Variants in TRMT11 observed in about 807,000 individuals in gnomAD.
TRMT11 encodes tRNA methyltransferase 11, also known as tRNA (guanine(10)-N(2))-methyltransferase TRMT11.
TRMT11 carries 53 observed loss-of-function variants against 62.8 expected under a neutral mutation model. That is an observed-to-expected ratio of 0.84 (90% CI 0.68 to 1.06). The LOEUF is 1.06. Ranked by LOEUF, TRMT11 falls within the 50% of genes least tolerant of loss-of-function variation. The pLI is 0.00. For missense variants in TRMT11, 556 were observed against 553.4 expected (o/e 1.00, Z -0.05); for synonymous variants, 188 against 190.3 (o/e 0.99, Z 0.10).
intron 7 of TRMT11, among the ~76,000 whole-genome samples, chr6:126,005,781 A>G (rs1293243951): frequency 6.6e-6 from 1 of 152,016 alleles, no homozygotes; most frequent in Non-Finnish European, 1.5e-5. Context: ...AATATGTGCA[A>G]GTGGATGCCA....
At chr6:126,087,112 G>A (rs994448258) in intron 17 of TRMT11, among the ~76,000 whole-genome samples, 4 of 152,140 alleles carry the variant, frequency 2.6e-5, no homozygotes, top group East Asian at 1.9e-4. Context: ...GTTCACAAAC[G>A]TGGTCAAATT....
chr6:126,140,946 A>G (rs1777910380), intron 21 of TRMT11, among the ~76,000 whole-genome samples: 1 of 152,082 alleles, frequency 6.6e-6, no homozygotes, highest in Non-Finnish European at 1.5e-5. Context: ...CTTAAACTCC[A>G]TGTTTCCTCA....
intron 1 of TRMT11, among the ~76,000 whole-genome samples, chr6:126,188,568 C>A (rs1190111802): frequency 6.6e-6 from 1 of 152,044 alleles, no homozygotes; most frequent in Non-Finnish European, 1.5e-5. Flanking sequence ...AAATTCTATT[C>A]AAAGTGATTT....
chr6:126,253,109 A>C, the TRMT11 span, among the ~76,000 whole-genome samples: 1 of 152,116 alleles, frequency 6.6e-6, no homozygotes, highest in African/African-American at 2.4e-5. Flanking sequence ...TGAAAAAAAA[A>C]AACAAGTTAT....
At chr6:126,048,210 G>A (rs560417526) in intron 16 of TRMT11, among the ~76,000 whole-genome samples, 1 of 152,318 alleles carries the variant, frequency 6.6e-6, no homozygotes, top group South Asian at 2.1e-4. Context: ...GATTGGCTAA[G>A]CTGAAAACCA....
chr6:126,059,507 T>A (rs1445474442), intron 17 of TRMT11, among the ~76,000 whole-genome samples: 1 of 152,200 alleles, frequency 6.6e-6, no homozygotes, highest in African/African-American at 2.4e-5. Flanking sequence ...AGTGAGAGAT[T>A]CACTTAGCTG....
chr6:126,193,638 G>T (rs1778631235), intron 1 of TRMT11, among the ~76,000 whole-genome samples: 1 of 151,270 alleles, frequency 6.6e-6, no homozygotes, highest in Non-Finnish European at 1.5e-5. Context: ...GACCACAGGA[G>T]CCCGCCACCA....
At chr6:126,231,250 T>C in the TRMT11 span, among the ~76,000 whole-genome samples, 325 of 152,300 alleles carry the variant, frequency 2.1e-3, no homozygotes, top group African/African-American at 7.4e-3. Context: ...CAAAACAAAA[T>C]GTCAGAATAC....
chr6:126,016,782 G>A (rs1432451277), intron 11 of TRMT11, among the ~76,000 whole-genome samples: 1 of 151,386 alleles, frequency 6.6e-6, no homozygotes, highest in Non-Finnish European at 1.5e-5. Context: ...GGAAGACAAT[G>A]GTGGCATTTA....
At chr6:126,004,675 G>GT (rs924438094) in intron 7 of TRMT11, among the ~76,000 whole-genome samples, 7 of 151,748 alleles carry the variant, frequency 4.6e-5, no homozygotes, top group Non-Finnish European at 8.8e-5. Flanking sequence ...CTTTTAAATA[G>GT]TTTTTTAAAA....
At chr6:126,030,149 T>C (rs546778395) in intron 12 of TRMT11, among the ~76,000 whole-genome samples, 3 of 152,322 alleles carry the variant, frequency 2.0e-5, no homozygotes, top group Non-Finnish European at 2.9e-5. Context: ...TAGTATTGGA[T>C]GCCAGACTTT....
At chr6:126,184,946 C>A (rs972052594) in intron 1 of TRMT11, among the ~76,000 whole-genome samples, 3 of 152,134 alleles carry the variant, frequency 2.0e-5, no homozygotes, top group African/African-American at 7.2e-5. Context: ...GAGTGACAGA[C>A]CTGGTTTTGT....
the TRMT11 span, among the ~76,000 whole-genome samples, chr6:126,264,224 A>G: frequency 7.9e-5 from 12 of 152,204 alleles, no homozygotes; most frequent in African/African-American, 2.9e-4. Flanking sequence ...TTCTTTATCA[A>G]TTCTGTGAGG....
At chr6:126,084,893 C>G (rs1477689762) in intron 17 of TRMT11, among the ~76,000 whole-genome samples, 1 of 152,032 alleles carries the variant, frequency 6.6e-6, no homozygotes, top group Non-Finnish European at 1.5e-5. Context: ...CTCATAGAAA[C>G]AGAGAGTAGA....
chr6:126,179,854 C>T lies in TRMT11; in HGVS notation n.143+2519C>T, dbSNP rs531967311. Among the ~76,000 whole-genome samples, 216 of 152,224 alleles carry T rather than the reference C, an allele frequency of 1.4e-3. 1 individual carries two copies. The highest frequency in any genetic ancestry group is 2.6e-3 in the Non-Finnish European group (174 of 67,996). ...GGTTCAAACACCTAAAAAATATGAA[C>T]ACATTTTAACTTACCTCTAATAATT... On this transcript the variant is annotated intron_variant and non_coding_transcript_variant, in intron 1 of 3. Transcript: ENST00000444229.
chr6:126,250,148 A>G, the TRMT11 span, among the ~76,000 whole-genome samples: 1 of 152,218 alleles, frequency 6.6e-6, no homozygotes, highest in African/African-American at 2.4e-5. Context: ...TAGAATAAGA[A>G]GGGGAACAGG....
intron 21 of TRMT11, among the ~76,000 whole-genome samples, chr6:126,163,839 TTCTG>T (rs1370432930): frequency 2.0e-5 from 3 of 152,320 alleles, no homozygotes; most frequent in Non-Finnish European, 4.4e-5. Context: ...TCATTTTTTA[TTCTG>T]TCTATTTGAT....
chr6:126,185,662 GT>G (rs1403798977), intron 1 of TRMT11, among the ~76,000 whole-genome samples: 1 of 152,076 alleles, frequency 6.6e-6, no homozygotes, highest in African/African-American at 2.4e-5. Flanking sequence ...TGGCTTTAGG[GT>G]TTAGTTAGCC....
At chr6:126,188,742 A>G (rs998749161) in intron 1 of TRMT11, among the ~76,000 whole-genome samples, 11 of 152,172 alleles carry the variant, frequency 7.2e-5, no homozygotes, top group South Asian at 6.2e-4. Context: ...GCCACTATAT[A>G]GTTACTGTTG....
Sources: gnomAD v4.1 joint callset for allele counts (sites outside exome capture counted in the v4.1 genomes callset) on GRCh38, gnomAD v4.1.1 for gene constraint, MANE v1.5 for transcripts, NCBI Gene and HGNC (gene_info 2026-07-23, HGNC 2026-07-21) for gene names.